Variants in METTL3 observed in about 807,000 individuals in gnomAD.
METTL3 encodes methyltransferase 3, N6-adenosine-methyltransferase complex catalytic subunit.
Under a neutral mutation model 64.3 loss-of-function variants are expected in METTL3, and 42 were observed. That is an observed-to-expected ratio of 0.65 (90% CI 0.51 to 0.84). The LOEUF (loss-of-function observed/expected upper bound fraction) is 0.84, where lower values mean the gene tolerates loss of function less well. Ranked by LOEUF, METTL3 falls within the 40% of genes least tolerant of loss-of-function variation. METTL3 has a pLI of 0.00. For synonymous variants in METTL3, 256 were observed against 263.6 expected (o/e 0.97, Z 0.28); for missense variants, 435 against 722.3 (o/e 0.60, Z 4.56).
chr14:21,510,813 G>T, intron 1 of METTL3: 1 of 315,740 alleles, frequency 3.2e-6, no homozygotes, highest in Non-Finnish European at 5.9e-6. Context: ...TCGCGGGATA[G>T]GGGGCTGAGC....
chr14:21,508,534 C>T (rs1891753433), intron 1 of METTL3, among the ~76,000 whole-genome samples: 1 of 152,068 alleles, frequency 6.6e-6, no homozygotes. Flanking sequence ...TGAAATGAAA[C>T]TTAAAATGAC....
In METTL3 at chr14:21,499,504, C is replaced by T; in HGVS notation, c.1440G>A (p.Lys480=). The change falls in exon 8 of 11, where the codon AAG becomes AAA. Residue 480 remains lysine (K), a synonymous_variant. Transcript: ENST00000298717. ...GRTGHWLNHG[K]EHCLVGVKGN... is the part of the protein sequence containing the mutation. ...CACTGCTGCTCACCAAGCAGTGTTC[C>T]TTCCCATGGTTCAACCAGTGACCTG... 6.2e-7 allele frequency: 1 copy of T among 1,614,000 alleles called. No homozygotes were observed. The highest frequency in any genetic ancestry group is 1.1e-5 in the South Asian group (1 of 91,084).
At chr14:21,508,348 AAAAT>A (rs1375392999) in intron 1 of METTL3, 26 of 152,242 alleles carry the variant, frequency 1.7e-4, no homozygotes, top group East Asian at 1.2e-3. Context: ...TAAAAAAGAA[AAAAT>A]AAATAAAAAT....
In METTL3 at chr14:21,500,512, G is replaced by T. The variant is rs1466027886; in HGVS notation, c.1287C>A (p.Phe429Leu). 6.2e-7 allele frequency: 1 copy of T among 1,614,162 alleles called. No homozygotes were observed. The highest frequency in any genetic ancestry group is 8.5e-7 in the Non-Finnish European group (1 of 1,180,036). ...TGCATTACCTGCCTGTGACCCAGAG[G>T]AAGAGAAAGCCATCATCCTGTAGTA... ...IPVLQDDGFL[F>L]LWVTGRAMEL... The change falls in exon 6 of 11, where the codon TTC (phenylalanine) becomes TTA (leucine). Residue 429 changes from phenylalanine (F) to leucine (L), a missense_variant. Around this residue, in one of 9 missense-constraint regions of METTL3, gnomAD observed 36 missense variants for 73.0 expected, o/e 0.49. Coordinates refer to ENST00000298717, the MANE Select transcript of METTL3 (RefSeq NM_019852.5).
At position 21,511,212 on chromosome 14, in the gene METTL3, C is replaced by A. The variant is rs1432352180; in HGVS notation, c.12G>T (p.Thr4=). 1.9e-6 allele frequency: 3 copies of A among 1,613,742 alleles called. No individual in the cohort carries two copies. The African/African-American group carries it at 4.0e-5, about 22-fold the overall frequency. ...TCTTGTGGGCCTGGATAGAGCTCCA[C>A]GTGTCCGACATCCTAGTCTCCCAGC... MSD[T]WSSIQAHKKQ... is the part of the protein sequence containing the mutation. Residue 4 remains threonine, a synonymous_variant, in exon 1 of 11, where the codon ACG becomes ACT. Transcript: ENST00000298717.
intron 1 of METTL3, chr14:21,510,581 T>G (rs1031204158): frequency 1.3e-5 from 2 of 152,216 alleles, no homozygotes; most frequent in African/African-American, 4.8e-5. Context: ...GTTTTCAGAT[T>G]CCTGCTAGGT....
chr14:21,502,033 T>A (rs993647981), intron 3 of METTL3, 130 bp from the exon 4 acceptor site: 27 of 636,366 alleles, frequency 4.2e-5, no homozygotes, highest in African/African-American at 1.1e-4. Flanking sequence ...TTTTTTTTTT[T>A]AAGAGATGGG....
chr14:21,499,823 C>G, intron 6 of METTL3, 21 bp from the exon 7 acceptor site: 1 of 1,610,902 alleles, frequency 6.2e-7, no homozygotes, highest in Non-Finnish European at 8.5e-7. Flanking sequence ...ATGAGTTAAA[C>G]AACTATTTGT....
rs1406070558 is a variant in METTL3, at chr14:21,503,447, T to G, written c.449A>C (p.His150Pro). 3.1e-6 allele frequency: 5 copies of G among 1,613,870 alleles called. No homozygotes were observed. The highest frequency in any genetic ancestry group is 3.4e-6 in the Non-Finnish European group (4 of 1,180,042). The part of the protein sequence containing the change: ...AHPTLVTYAD[H>P]SKLSAMMGAV... Reference sequence around the variant, plus strand: ...ACCCATCATGGCAGAGAGCTTGGAATGGTCAGCATAGGTTACAAGAGTAGG... The same window carrying G: ...ACCCATCATGGCAGAGAGCTTGGAAGGGTCAGCATAGGTTACAAGAGTAGG... The change falls in exon 3 of 11, where the codon CAT becomes CCT. Residue 150 changes from histidine (H) to proline (P), a missense_variant. His to Pro is a moderately conservative substitution (Grantham distance 77). Coordinates refer to ENST00000298717, the MANE Select transcript of METTL3 (RefSeq NM_019852.5).
intron 5 of METTL3, 55 bp downstream of exon 5, chr14:21,500,858 G>A (rs1891549679): frequency 6.5e-7 from 1 of 1,536,612 alleles, no homozygotes; most frequent in Non-Finnish European, 8.9e-7. Context: ...GTGTATGGCT[G>A]CCCTATCAAA....
chr14:21,499,683 C>T (rs1891507485), intron 7 of METTL3, 81 bp downstream of exon 7: 1 of 1,582,458 alleles, frequency 6.3e-7, no homozygotes, highest in Non-Finnish European at 8.7e-7. Context: ...CAAGGAATCA[C>T]AGAATAGTCT....
chr14:21,500,837 G>T, intron 5 of METTL3, 76 bp downstream of exon 5: 1 of 1,472,612 alleles, frequency 6.8e-7, no homozygotes, highest in Non-Finnish European at 9.3e-7. Flanking sequence ...ATTATGCTCT[G>T]CTTTCTTAAC....
In METTL3 at chr14:21,498,284, T is replaced by C. The variant is rs956059848; in HGVS notation, c.1717A>G (p.Ile573Val). 1 of 1,609,668 alleles carries C rather than the reference T, an allele frequency of 6.2e-7. No homozygotes were observed. Residue 573 changes from isoleucine to valine, a missense_variant, in exon 11 of 11, where the codon ATC becomes GTC. This residue lies in a region of METTL3 where 20 missense variants were observed against 26.2 expected (regional missense o/e 0.76). Coordinates refer to ENST00000298717, the MANE Select transcript of METTL3 (RefSeq NM_019852.5). The stretch of plus-strand genomic sequence containing the variant: ...TATAAATTCTTAGGTTTAGAGATGA[T>C]ACCATCTGGGTACCTTTGCTTGAAC... ...ARFKQRYPDG[I>V]ISKPKNL
chr14:21,501,333 G>A (rs1891563426), intron 4 of METTL3: 1 of 585,186 alleles, frequency 1.7e-6, no homozygotes, highest in African/African-American at 1.9e-5. Context: ...TCTGAGTAAA[G>A]ACTTGGTTTC....
In METTL3 at chr14:21,500,915, G is replaced by C; in HGVS notation, c.1114C>G (p.Gln372Glu). The change falls in exon 5 of 11, where the codon CAG becomes GAG. Residue 372 changes from glutamine (Q) to glutamate (E), a missense_variant and splice_region_variant. Coordinates refer to ENST00000298717, the MANE Select transcript of METTL3 (RefSeq NM_019852.5). ...DSSADRLFPP[Q>E]WICCDIRYLD... Reference sequence around the variant, plus strand: ...GAGTTTTCTGAGCAGACAGGTACCTGAGGTGGGAAGAGTCGGTCTGCACTG... The same window carrying C: ...GAGTTTTCTGAGCAGACAGGTACCTCAGGTGGGAAGAGTCGGTCTGCACTG... 1 of 1,612,914 alleles carries C rather than the reference G, an allele frequency of 6.2e-7. No individual in the cohort carries two copies. Among genetic ancestry groups the C allele is most frequent in the Non-Finnish European group, 8.5e-7 (1 of 1,179,134 alleles).
At position 21,501,024 on chromosome 14, in the gene METTL3, A is replaced by G; in HGVS notation, c.1005T>C (p.Ala335=). 6.2e-7 allele frequency: 1 copy of G among 1,614,190 alleles called. No homozygotes were observed. Among genetic ancestry groups the G allele is most frequent in the Non-Finnish European group, 8.5e-7 (1 of 1,180,016 alleles). Residue 335 remains alanine, a synonymous_variant, in exon 5 of 11, where the codon GCT becomes GCC. Coordinates refer to ENST00000298717, the MANE Select transcript of METTL3 (RefSeq NM_019852.5). The part of the protein sequence containing the change: ...TCKYVHYEID[A]CMDSEAPGSK... ...TGCCAGGGGCCTCAGAATCCATGCA[A>G]GCATCAATTTCATAGTGAACATACT...
rs1891511660 is a variant in METTL3 at position 21,499,804 on chromosome 14, T to C, written c.1305-2A>G. Reference sequence around the variant, plus strand: ...CATTCTCTCCCCAACTCCATGGCCCTAGAAAGAAATGAGTTAAACAACTAT... The same window carrying C: ...CATTCTCTCCCCAACTCCATGGCCCCAGAAAGAAATGAGTTAAACAACTAT... On this transcript the variant is annotated splice_acceptor_variant, in intron 6 of 10. Transcript: ENST00000298717. LOFTEE classifies it high-confidence loss of function. 6.2e-7 allele frequency: 1 copy of C among 1,612,862 alleles called. No homozygotes were observed. The highest frequency in any genetic ancestry group is 8.5e-7 in the Non-Finnish European group (1 of 1,179,014).
intron 3 of METTL3, 131 bp downstream of exon 3, chr14:21,503,042 G>A: frequency 1.0e-6 from 1 of 991,670 alleles, no homozygotes; most frequent in Non-Finnish European, 1.5e-6. Context: ...TCCCCTGGGA[G>A]TTGGGCAGTA....
intron 1 of METTL3, among the ~76,000 whole-genome samples, chr14:21,506,517 G>C (rs1315877513): frequency 2.0e-5 from 3 of 152,130 alleles, no homozygotes; most frequent in Admixed American, 1.3e-4. Context: ...TCGCGCTACT[G>C]CACTCCAGCC....
Sources: allele counts gnomAD v4.1 joint callset (sites outside exome capture counted in the v4.1 genomes callset), GRCh38; gene constraint gnomAD v4.1.1; regional missense constraint gnomAD v4.1.1; transcripts MANE v1.5; gene names NCBI Gene and HGNC (gene_info 2026-07-23, HGNC 2026-07-21).